The following MIDEAS variants were observed in gnomAD, a reference collection of about 807,000 sequenced individuals.
MIDEAS encodes mitotic deacetylase-associated SANT domain protein.
MIDEAS carries 26 observed loss-of-function variants against 102.7 expected under a neutral mutation model. The observed-to-expected ratio is 0.25, with a 90% CI of 0.19 to 0.35. MIDEAS has a LOEUF of 0.35. MIDEAS is among the 10% of genes least tolerant of loss of function. The pLI is 1.00. For missense variants in MIDEAS, 1,231 were observed against 1,435.6 expected, an observed-to-expected ratio of 0.86 and a Z score of 2.30; for synonymous variants, 585 against 591.0, an observed-to-expected ratio of 0.99 and a Z score of 0.15.
intron 1 of MIDEAS, among the ~76,000 whole-genome samples, chr14:73,756,021 C>G (rs1410585018): frequency 6.6e-6 from 1 of 152,144 alleles, no homozygotes; most frequent in Non-Finnish European, 1.5e-5. Flanking sequence ...TTAAGCAATG[C>G]CCAAAGCCAC....
intron 11 of MIDEAS, among the ~76,000 whole-genome samples, chr14:73,720,288 G>C (rs1258513854): frequency 6.7e-6 from 1 of 148,330 alleles, no homozygotes; most frequent in Non-Finnish European, 1.5e-5. Context: ...ACCCAGGCTG[G>C]AGTGCAGTGG....
rs1305003279 is a variant in MIDEAS, at chr14:73,744,765, C to T, written c.-247-4510G>A. 3.3e-5 allele frequency among the ~76,000 whole-genome samples: 5 copies of T among 152,170 alleles called. No individual in the cohort carries two copies. In the East Asian group the frequency reaches 9.6e-4, roughly 29 times the overall value. On this transcript the variant is annotated intron_variant, in intron 1 of 12. Coordinates refer to ENST00000423556, the MANE Select transcript of MIDEAS (RefSeq NM_001367710.1). Reference sequence around the variant, plus strand: ...TCTCGCTTTGCTTCCAGGTCTTTGGCCAGGCTGTACCCCTTCCTAGGACAC... The same window carrying T: ...TCTCGCTTTGCTTCCAGGTCTTTGGTCAGGCTGTACCCCTTCCTAGGACAC...
rs2052910651 is a variant in MIDEAS at position 73,717,557 on chromosome 14, A to G, written c.*1286T>C. 6.6e-6 allele frequency: 1 copy of G among 152,582 alleles called. No homozygotes were observed. Among genetic ancestry groups the G allele is most frequent in the Non-Finnish European group, 1.5e-5 (1 of 68,046 alleles). 9.5% of individuals were successfully genotyped at this position (152,582 alleles called of 1,614,324 possible). On this transcript the variant is annotated 3_prime_UTR_variant, in exon 13 of 13. Coordinates refer to ENST00000423556, the MANE Select transcript of MIDEAS (RefSeq NM_001367710.1). Reference sequence around the variant, plus strand: ...CCCACGCTCTTTCAGTGTTGCTATCATTCCTATCAGCAAGAGCTTCCAGAG... The same window carrying G: ...CCCACGCTCTTTCAGTGTTGCTATCGTTCCTATCAGCAAGAGCTTCCAGAG...
In MIDEAS at chr14:73,738,848, A is replaced by T; in HGVS notation, c.1161T>A (p.Pro387=). The change falls in exon 2 of 13, where the codon CCT becomes CCA. Residue 387 remains proline, a synonymous_variant. Transcript: ENST00000423556. ...CAGGATGGGGCTGCCCCAGGGAGCC[A>T]GGTGGCGGCTGCTGCAGGGGCCAGT... The part of the protein sequence containing the change: ...LHHWPLQQPP[P]GSLGQPHPEA... 6.4e-7 allele frequency: 1 copy of T among 1,572,084 alleles called. No homozygotes were observed. Among genetic ancestry groups the T allele is most frequent in the East Asian group, 2.3e-5 (1 of 44,272 alleles).
At chr14:73,719,262 C>A in intron 12 of MIDEAS, 43 bp downstream of exon 12, 1 of 1,587,800 alleles carries the variant, frequency 6.3e-7, no homozygotes, top group South Asian at 1.1e-5. Context: ...CTCCGCGCAC[C>A]AGCCCGCGGG....
At chr14:73,750,214 C>T (rs1167102110) in intron 1 of MIDEAS, among the ~76,000 whole-genome samples, 1 of 152,178 alleles carries the variant, frequency 6.6e-6, no homozygotes, top group Non-Finnish European at 1.5e-5. Context: ...GAAGTTGAGG[C>T]TCTGCTGTTA....
intron 3 of MIDEAS, among the ~76,000 whole-genome samples, chr14:73,733,823 T>C (rs753248948): frequency 1.4e-4 from 21 of 151,892 alleles, no homozygotes; most frequent in Middle Eastern, 3.4e-3. Flanking sequence ...GCTTCCTGAG[T>C]AGCTGGGATT....
At chr14:73,746,549 T>G (rs2053353791) in intron 1 of MIDEAS, among the ~76,000 whole-genome samples, 1 of 152,296 alleles carries the variant, frequency 6.6e-6, no homozygotes, top group East Asian at 1.9e-4. Context: ...GGGTCCTTGC[T>G]CTGTCTCCTC....
intron 1 of MIDEAS, among the ~76,000 whole-genome samples, chr14:73,768,453 C>T (rs900556083): frequency 6.6e-6 from 1 of 151,912 alleles, no homozygotes; most frequent in African/African-American, 2.4e-5. Context: ...TTCTCCCTCA[C>T]AGATGTGTTT....
At chr14:73,743,084 C>A (rs1387839003) in intron 1 of MIDEAS, among the ~76,000 whole-genome samples, 3 of 152,068 alleles carry the variant, frequency 2.0e-5, no homozygotes, top group East Asian at 3.9e-4. Context: ...AGACTGGAAC[C>A]CAGATCTGTC....
At chr14:73,765,419 C>T (rs1249669229) in intron 1 of MIDEAS, among the ~76,000 whole-genome samples, 4 of 152,200 alleles carry the variant, frequency 2.6e-5, no homozygotes, top group Non-Finnish European at 4.4e-5. Flanking sequence ...TAAGAGCTTA[C>T]TTAAACAGTG....
chr14:73,784,030 T>C (rs781477982), intron 1 of MIDEAS, among the ~76,000 whole-genome samples: 3 of 152,232 alleles, frequency 2.0e-5, no homozygotes, highest in Non-Finnish European at 4.4e-5. Flanking sequence ...AGGAGACTCC[T>C]GCATTGGCTT....
At position 73,721,512 on chromosome 14, in the gene MIDEAS, A is replaced by G. The variant is rs111761785; in HGVS notation, c.2725-3T>C. 14 of 1,613,476 alleles carry G rather than the reference A, an allele frequency of 8.7e-6. No individual in the cohort carries two copies. In the African/African-American group the frequency reaches 1.2e-4, roughly 14 times the overall value. On this transcript the variant is annotated splice_region_variant and splice_polypyrimidine_tract_variant and intron_variant, in intron 10 of 12. Transcript: ENST00000423556. ...ACCCTTGGGAACTTTTGGGAAGTCT[A>G]TGGGGAACAAGAACAAGGGCAGTGA...
Position 73,739,745 on chromosome 14 carries a change from C to G in MIDEAS, c.264G>C (p.Leu88=). ...YGPERTSAAM[L]SQQVASVKWP... is the part of the protein sequence containing the mutation. The stretch of plus-strand genomic sequence containing the variant: ...ACTTTACTGAGGCCACCTGCTGGGA[C>G]AGCATGGCTGCTGAGGTCCGCTCAG... Residue 88 remains leucine, a synonymous_variant, in exon 2 of 13, where the codon CTG becomes CTC. Transcript: ENST00000423556. 1 of 1,613,860 alleles carries G rather than the reference C, an allele frequency of 6.2e-7. No individual in the cohort carries two copies. The highest frequency in any genetic ancestry group is 2.2e-5 in the East Asian group (1 of 44,886).
At chr14:73,749,307 G>A (rs1421577532) in intron 1 of MIDEAS, among the ~76,000 whole-genome samples, 1 of 146,522 alleles carries the variant, frequency 6.8e-6, no homozygotes. Context: ...CCAAGGCCAG[G>A]AGGATCACTT....
chr14:73,739,954 C>G lies in MIDEAS; in HGVS notation c.55G>C (p.Gly19Arg). The change falls in exon 2 of 13, where the codon GGG becomes CGG. Residue 19 changes from glycine to arginine, a missense_variant. Transcript: ENST00000423556. ...TCCTTGGGAGCTGGTTCCTGGCCCC[C>G]GAAGAGGCAACGCTTCCGCTTGTTC... ...AQNKRKRCLF[G>R]GQEPAPKEQP... 2 of 1,514,694 alleles carry G rather than the reference C, an allele frequency of 1.3e-6. No homozygotes were observed. Among genetic ancestry groups the G allele is most frequent in the East Asian group, 4.6e-5 (2 of 43,698 alleles). 93.8% of individuals were successfully genotyped at this position (1,514,694 alleles called of 1,614,324 possible).
At chr14:73,767,364 G>A (rs920251777) in intron 1 of MIDEAS, among the ~76,000 whole-genome samples, 1 of 152,192 alleles carries the variant, frequency 6.6e-6, no homozygotes, top group African/African-American at 2.4e-5. Context: ...GCTGGGCATG[G>A]TGGCTCATGC....
At position 73,719,398 on chromosome 14, in the gene MIDEAS, C is replaced by T; in HGVS notation, c.3041G>A (p.Arg1014Lys). The change falls in exon 12 of 13, where the codon AGG becomes AAG. Residue 1014 changes from arginine (R) to lysine (K), a missense_variant. Arg to Lys is a conservative substitution (Grantham distance 26). Transcript: ENST00000423556. Reference protein sequence around the residue: ...KPREGTGKSRRALPFSEKKKK... With the variant: ...KPREGTGKSRKALPFSEKKKK... ...CTTCTTCTCTGAAAAAGGTAGTGCC[C>T]TTCGTGACTTCCCTGTCCCTTCCCT... 3.7e-6 allele frequency: 6 copies of T among 1,614,064 alleles called. No homozygotes were observed. The highest frequency in any genetic ancestry group is 5.1e-6 in the Non-Finnish European group (6 of 1,179,992).
intron 3 of MIDEAS, among the ~76,000 whole-genome samples, chr14:73,736,614 G>C (rs950791229): frequency 7.3e-6 from 1 of 137,706 alleles, no homozygotes; most frequent in Admixed American, 7.5e-5. Flanking sequence ...CTGGGTGACA[G>C]AGCAAGACTC....
Sources: gnomAD v4.1 joint callset for allele counts (sites outside exome capture counted in the v4.1 genomes callset) on GRCh38, gnomAD v4.1.1 for gene constraint, MANE v1.5 for transcripts, NCBI Gene and HGNC (gene_info 2026-07-23, HGNC 2026-07-21) for gene names.